EMCN: variants seen among roughly 807,000 people sequenced by gnomAD.
EMCN encodes the protein endomucin.
A neutral mutation model predicts 38.4 loss-of-function variants in EMCN; 37 were observed. That is an observed-to-expected ratio of 0.96 (90% CI 0.74 to 1.27). EMCN has a LOEUF of 1.27. Ranked by LOEUF, EMCN falls within the 50% of genes most tolerant of loss-of-function variation. The pLI, the probability that EMCN is intolerant of heterozygous loss-of-function variation, is 0.00. For synonymous variants in EMCN, 95 were observed against 100.8 expected (o/e 0.94, Z 0.35); for missense variants, 318 against 302.8 (o/e 1.05, Z -0.37).
intron 3 of EMCN, among the ~76,000 whole-genome samples, chr4:100,467,099 G>T (rs1728337839): frequency 6.6e-6 from 1 of 152,136 alleles, no homozygotes; most frequent in Non-Finnish European, 1.5e-5. Flanking sequence ...TTTGCTTAGA[G>T]AATTGCCTAT....
chr4:100,513,885 A>T (rs1729689428), intron 1 of EMCN, among the ~76,000 whole-genome samples: 1 of 152,168 alleles, frequency 6.6e-6, no homozygotes, highest in South Asian at 2.1e-4. Context: ...TTGCTGAGCA[A>T]TCTGTAACAA....
intron 8 of EMCN, among the ~76,000 whole-genome samples, chr4:100,419,159 A>G (rs1321869873): frequency 6.6e-6 from 1 of 152,120 alleles, no homozygotes; most frequent in African/African-American, 2.4e-5. Context: ...TTCTGCGTAT[A>G]TACCATTCTT....
intron 1 of EMCN, among the ~76,000 whole-genome samples, chr4:100,513,270 T>G (rs976298540): frequency 1.3e-5 from 2 of 152,184 alleles, no homozygotes; most frequent in African/African-American, 4.8e-5. Flanking sequence ...TGTTCTATAT[T>G]GGTTTAGTCT....
intron 5 of EMCN, among the ~76,000 whole-genome samples, chr4:100,437,564 T>A (rs1238169461): frequency 6.6e-6 from 1 of 152,148 alleles, no homozygotes. Flanking sequence ...TTTCATCCAT[T>A]TTCAGTTGAT....
At chr4:100,517,715 A>G (rs1729795530) in intron 1 of EMCN, 136 bp downstream of exon 1, 1 of 801,652 alleles carries the variant, frequency 1.2e-6, no homozygotes, top group Middle Eastern at 2.4e-4. Flanking sequence ...CTCCAAGTCA[A>G]CATCCAAACA....
intron 2 of EMCN, among the ~76,000 whole-genome samples, chr4:100,475,738 C>T (rs978412852): frequency 7.6e-6 from 1 of 131,592 alleles, no homozygotes; most frequent in African/African-American, 3.0e-5. Flanking sequence ...AGTGCAGTGG[C>T]GCGATCTCGG....
chr4:100,415,938 G>A lies in EMCN; in HGVS notation c.711C>T (p.Ser237=), dbSNP rs765467506. Residue 237 remains serine, a synonymous_variant, in exon 10 of 12, where the codon AGC becomes AGT. Coordinates refer to ENST00000296420, the MANE Select transcript of EMCN (RefSeq NM_016242.4). ...GNDQPQSDKE[S]VKLLTVKTIS... ...TTGTCTTAACGGTAAGAAGCTTCAC[G>A]CTCTCTTTATCAGACTGAGGTCTAT... The A allele has an allele frequency of 1.9e-5, 30 of 1,589,188 alleles. No homozygotes were observed. The highest frequency in any genetic ancestry group is 1.6e-4 in the Admixed American group (9 of 55,688).
intron 5 of EMCN, among the ~76,000 whole-genome samples, chr4:100,428,922 A>C (rs904411859): frequency 2.0e-5 from 3 of 152,168 alleles, no homozygotes; most frequent in African/African-American, 7.2e-5. Context: ...ACATGCAATA[A>C]AGAATAAGTA....
intron 1 of EMCN, among the ~76,000 whole-genome samples, chr4:100,512,651 A>C (rs1409746801): frequency 4.6e-5 from 7 of 151,898 alleles, no homozygotes; most frequent in Non-Finnish European, 1.0e-4. Context: ...CTAAAAATAA[A>C]AAAATTTAGC....
chr4:100,490,410 A>C (rs536164385), intron 1 of EMCN, among the ~76,000 whole-genome samples: 1 of 152,188 alleles, frequency 6.6e-6, no homozygotes, highest in African/African-American at 2.4e-5. Flanking sequence ...TAGCCCAAGT[A>C]TACAGTGTTT....
At chr4:100,448,633 A>G (rs1727744889) in intron 4 of EMCN, among the ~76,000 whole-genome samples, 1 of 152,114 alleles carries the variant, frequency 6.6e-6, no homozygotes, top group South Asian at 2.1e-4. Context: ...AGAACCTGCA[A>G]TAGCTGCTTA....
At chr4:100,464,414 C>T (rs562764135) in intron 4 of EMCN, among the ~76,000 whole-genome samples, 1 of 152,092 alleles carries the variant, frequency 6.6e-6, no homozygotes, top group East Asian at 1.9e-4. Flanking sequence ...CTATCTAAAA[C>T]CTCTGGCTAT....
At chr4:100,415,802 G>T (rs1726710179) in intron 10 of EMCN, 96 bp downstream of exon 10, 1 of 749,698 alleles carries the variant, frequency 1.3e-6, no homozygotes, top group Non-Finnish European at 2.2e-6. Flanking sequence ...AAAGAAGTTA[G>T]GCCTTTTGTT....
chr4:100,431,039 G>A (rs1230260154), intron 5 of EMCN, among the ~76,000 whole-genome samples: 13 of 151,982 alleles, frequency 8.6e-5, no homozygotes, highest in Admixed American at 8.5e-4. Flanking sequence ...GTTCCTAGAG[G>A]GTCAGCAGCC....
At chr4:100,478,804 T>C (rs1728729328) in intron 2 of EMCN, among the ~76,000 whole-genome samples, 1 of 152,054 alleles carries the variant, frequency 6.6e-6, no homozygotes, top group African/African-American at 2.4e-5. Context: ...CAGACAACAG[T>C]GTAGTTTATA....
At chr4:100,463,890 T>A (rs1385389434) in intron 4 of EMCN, among the ~76,000 whole-genome samples, 1 of 152,164 alleles carries the variant, frequency 6.6e-6, no homozygotes, top group African/African-American at 2.4e-5. Context: ...TTTTGACTAT[T>A]CCAGGTCCTT....
At chr4:100,401,862 T>C (rs765371798) in intron 11 of EMCN, among the ~76,000 whole-genome samples, 8 of 152,154 alleles carry the variant, frequency 5.3e-5, no homozygotes, top group Non-Finnish European at 1.0e-4. Context: ...AGATGAGACC[T>C]ACTGGTGAGG....
intron 1 of EMCN, among the ~76,000 whole-genome samples, chr4:100,507,411 T>G (rs888484487): frequency 9.9e-5 from 15 of 152,162 alleles, no homozygotes; most frequent in Admixed American, 5.9e-4. Context: ...ATACCAATAT[T>G]TTCCCTGAAA....
At chr4:100,451,283 T>A (rs1727831935) in intron 4 of EMCN, among the ~76,000 whole-genome samples, 2 of 151,774 alleles carry the variant, frequency 1.3e-5, no homozygotes, top group Admixed American at 1.3e-4. Context: ...ATGATATACA[T>A]CTCTAGCAAC....
Sources: allele counts gnomAD v4.1 joint callset (sites outside exome capture counted in the v4.1 genomes callset), GRCh38; gene constraint gnomAD v4.1.1; transcripts MANE v1.5; gene names NCBI Gene and HGNC (gene_info 2026-07-23, HGNC 2026-07-21).